Variants in OGDHL observed in about 807,000 individuals in gnomAD.
OGDHL encodes the protein 2-oxoglutarate dehydrogenase-like, mitochondrial.
A neutral mutation model predicts 109.6 loss-of-function variants in OGDHL; 79 were observed. That is an observed-to-expected ratio of 0.72 (90% CI 0.60 to 0.87). The LOEUF is 0.87. Ranked by LOEUF, OGDHL falls within the 40% of genes least tolerant of loss-of-function variation. The probability of loss-of-function intolerance (pLI) is 0.00; values close to 1 mark genes in which losing one functional copy is unlikely to be tolerated. For missense variants in OGDHL, 1,275 were observed against 1,362.2 expected (o/e 0.94, Z 1.01); for synonymous variants, 528 against 537.2 (o/e 0.98, Z 0.24).
chr10:49,743,166 G>A (rs567003525), intron 14 of OGDHL, among the ~76,000 whole-genome samples, 188 bp from the exon 15 acceptor site: 11 of 152,354 alleles, frequency 7.2e-5, no homozygotes, highest in Admixed American at 1.3e-4. Context: ...GCTACCCCGA[G>A]CCTGTGGAGG....
intron 2 of OGDHL, among the ~76,000 whole-genome samples, 159 bp downstream of exon 2, chr10:49,758,230 G>C (rs948853147): frequency 1.2e-4 from 18 of 152,346 alleles, no homozygotes; most frequent in East Asian, 1.9e-4. Context: ...TTCAGCAAAG[G>C]GAAAGCAACA....
chr10:49,744,900 C>A, intron 12 of OGDHL, 148 bp from the exon 13 acceptor site: 2 of 680,356 alleles, frequency 2.9e-6, no homozygotes, highest in Non-Finnish European at 5.0e-6. Context: ...TGGCTAGAAG[C>A]CAAAGTCTCA....
chr10:49,742,990 G>C lies in OGDHL; in HGVS notation c.1862-12C>G, dbSNP rs770110016. On this transcript the variant is annotated splice_polypyrimidine_tract_variant and intron_variant, in intron 14 of 22. Transcript: ENST00000374103. The stretch of plus-strand genomic sequence containing the variant: ...AATGCGAGAGAGGCCTGTGGGAAAG[G>C]AGTGCTGGCCTGAGGGCCAAGGGAC... The C allele has an allele frequency of 1.9e-6, 3 of 1,611,268 alleles. No individual in the cohort carries two copies. The Admixed American group carries it at 5.0e-5, about 27-fold the overall frequency.
At chr10:49,756,012 G>A (rs1842893308) in intron 3 of OGDHL, among the ~76,000 whole-genome samples, 1 of 152,198 alleles carries the variant, frequency 6.6e-6, no homozygotes, top group Non-Finnish European at 1.5e-5. Context: ...CCATCCCCAG[G>A]TGGGTGGTGT....
chr10:49,737,796 T>G lies in OGDHL; in HGVS notation c.2580A>C (p.Gln860His), dbSNP rs1162415155. 2 of 1,614,014 alleles carry G rather than the reference T, an allele frequency of 1.2e-6. No individual in the cohort carries two copies. The highest frequency in any genetic ancestry group is 8.5e-7 in the Non-Finnish European group (1 of 1,180,020). The part of the protein sequence containing the change: ...RHPEAKSSFD[Q>H]MVSGTSFQRV... Reference sequence around the variant, plus strand: ...AGGCCAGGCACGTACCGGATACCATTTGGTCAAAGCTGGACTTGGCCTCTG... The same window carrying G: ...AGGCCAGGCACGTACCGGATACCATGTGGTCAAAGCTGGACTTGGCCTCTG... Residue 860 changes from glutamine (Q) to histidine (H), a missense_variant, in exon 20 of 23, where the codon CAA (glutamine) becomes CAC (histidine). Gln to His is a conservative substitution (Grantham distance 24, BLOSUM62 0). Coordinates refer to ENST00000374103, the MANE Select transcript of OGDHL (RefSeq NM_018245.3).
chr10:49,736,331 T>C (rs1029199535), intron 21 of OGDHL, 26 bp downstream of exon 21: 2 of 1,613,298 alleles, frequency 1.2e-6, no homozygotes, highest in African/African-American at 2.7e-5. Flanking sequence ...GCCCATCACT[T>C]GACTGTACAA....
chr10:49,743,505 G>A (rs1225103070), intron 14 of OGDHL: 1 of 166,910 alleles, frequency 6.0e-6, no homozygotes, highest in Non-Finnish European at 1.3e-5. Context: ...CCAGGCAAAG[G>A]TCACAGTGGC....
intron 16 of OGDHL, 122 bp from the exon 17 acceptor site, chr10:49,739,961 C>G (rs537332803): frequency 2.0e-6 from 2 of 1,007,586 alleles, no homozygotes; most frequent in East Asian, 2.6e-5. Flanking sequence ...CAAGCCAGGA[C>G]GAACCCAGGG....
intron 3 of OGDHL, among the ~76,000 whole-genome samples, chr10:49,753,443 G>A (rs1842732439): frequency 6.6e-6 from 1 of 152,180 alleles, no homozygotes; most frequent in South Asian, 2.1e-4. Context: ...CTTAAAAATT[G>A]AAAGTGAAAT....
chr10:49,751,291 C>G (rs933099996), intron 6 of OGDHL, among the ~76,000 whole-genome samples: 3 of 152,156 alleles, frequency 2.0e-5, no homozygotes, highest in Admixed American at 1.3e-4. Context: ...CCACTGCCCA[C>G]CCACTCCTAG....
Position 49,742,941 on chromosome 10 carries a change from G to T in OGDHL, c.1899C>A (p.Thr633=), listed in dbSNP as rs1841894577. The T allele has an allele frequency of 1.2e-6, 2 of 1,613,770 alleles. No individual in the cohort carries two copies. The highest frequency in any genetic ancestry group is 1.3e-5 in the African/African-American group (1 of 74,950). Residue 633 remains threonine (T), a synonymous_variant, in exon 15 of 23, where the codon ACC becomes ACA. Coordinates refer to ENST00000374103, the MANE Select transcript of OGDHL (RefSeq NM_018245.3). ...SRILRGRADM[T]KNRTVDWALA... Reference sequence around the variant, plus strand: ...ACGCCCAGTCCACCGTCCGGTTCTTGGTCATGTCCGCACGGCCCCGCAGAA... The same window carrying T: ...ACGCCCAGTCCACCGTCCGGTTCTTTGTCATGTCCGCACGGCCCCGCAGAA...
rs549414665 is a variant in OGDHL at position 49,752,010 on chromosome 10, G to A, written c.595-29C>T. ...GGGAGACACATTGGGACCCCATGAG[G>A]AGCGGGGAAGAGGGACGGCTGACAT... On this transcript the variant is annotated intron_variant, in intron 5 of 22. Transcript: ENST00000374103. 5 of 1,613,548 alleles carry A rather than the reference G, an allele frequency of 3.1e-6. No homozygotes were observed. In the South Asian group the frequency reaches 5.5e-5, roughly 18 times the overall value.
chr10:49,756,999 G>C (rs1228150469), intron 2 of OGDHL, 53 bp from the exon 3 acceptor site: 3 of 1,564,524 alleles, frequency 1.9e-6, no homozygotes, highest in East Asian at 2.3e-5. Context: ...GGAAGAGTCA[G>C]GGGTGGCCCA....
At chr10:49,754,294 A>G (rs912280899) in intron 3 of OGDHL, among the ~76,000 whole-genome samples, 1 of 152,268 alleles carries the variant, frequency 6.6e-6, no homozygotes, top group Admixed American at 6.5e-5. Flanking sequence ...CTATAAGGAC[A>G]GTATACCTAC....
chr10:49,739,477 G>A (rs1203772975), intron 17 of OGDHL, 184 bp downstream of exon 17: 3 of 633,190 alleles, frequency 4.7e-6, no homozygotes, highest in African/African-American at 3.6e-5. Flanking sequence ...TGCTGCCAGG[G>A]GTAGCATCAT....
chr10:49,758,453 C>T lies in OGDHL; in HGVS notation c.140G>A (p.Gly47Asp), dbSNP rs1337815164. 2 of 1,613,934 alleles carry T rather than the reference C, an allele frequency of 1.2e-6. No homozygotes were observed. The highest frequency in any genetic ancestry group is 1.1e-5 in the South Asian group (1 of 91,074). The change falls in exon 2 of 23, where the codon GGC becomes GAC. Residue 47 changes from glycine (G) to aspartate (D), a missense_variant. Transcript: ENST00000374103. ...CATCTCCTCCATGTAACTGGAGCCG[C>T]CTCCACCTTTGCTGCTTGGGAAGGT... Reference protein sequence around the residue: ...PATFPSSKGGGGSSYMEEMYF... With the variant: ...PATFPSSKGGDGSSYMEEMYF...
chr10:49,740,494 C>T (rs1386257905), intron 16 of OGDHL, among the ~76,000 whole-genome samples: 2 of 152,086 alleles, frequency 1.3e-5, no homozygotes, highest in African/African-American at 4.8e-5. Context: ...GGAGGTCCCC[C>T]CAACTGGGAT....
chr10:49,745,352 C>T lies in OGDHL; in HGVS notation c.1621G>A (p.Glu541Lys), dbSNP rs1382492434. 2.5e-6 allele frequency: 4 copies of T among 1,613,662 alleles called. No individual in the cohort carries two copies. The African/African-American group carries it at 5.3e-5, about 22-fold the overall frequency. The stretch of plus-strand genomic sequence containing the variant: ...GCAGCCTGCCTGCCCACCTCAAACT[C>T]CTGCAGGGTGACTGTGCCCTCGGCA... ...LIAEGTVTLQ[E>K]FEEEIAKYDR... The change falls in exon 12 of 23, where the codon GAG (glutamate) becomes AAG (lysine). Residue 541 changes from glutamate (E) to lysine (K), a missense_variant. By Grantham distance (56) the Glu-to-Lys change is moderately conservative. Coordinates refer to ENST00000374103, the MANE Select transcript of OGDHL (RefSeq NM_018245.3).
At chr10:49,760,332 C>A (rs191795640) in intron 1 of OGDHL, among the ~76,000 whole-genome samples, 262 of 152,292 alleles carry the variant, frequency 1.7e-3, no homozygotes, top group African/African-American at 6.2e-3. Context: ...GCACTTGGGG[C>A]CGGCTCCTCT....
Sources: gnomAD v4.1 joint callset for allele counts (sites outside exome capture counted in the v4.1 genomes callset) on GRCh38, gnomAD v4.1.1 for gene constraint, MANE v1.5 for transcripts, NCBI Gene and HGNC (gene_info 2026-07-23, HGNC 2026-07-21) for gene names.